The following PRKCE variants were observed in gnomAD, a reference collection of about 807,000 sequenced individuals.
The protein encoded by PRKCE is protein kinase C epsilon.
In PRKCE, 16 loss-of-function variants were observed where a neutral mutation model predicts 85.4. The observed-to-expected ratio is 0.19, with a 90% CI of 0.13 to 0.28. The LOEUF is 0.28. Ranked by LOEUF, PRKCE falls within the 10% of genes least tolerant of loss-of-function variation. The pLI, the probability that PRKCE is intolerant of heterozygous loss-of-function variation, is 1.00. For synonymous variants in PRKCE, 388 were observed against 371.5 expected, an observed-to-expected ratio of 1.04 and a Z score of -0.51; for missense variants, 573 against 975.2, an observed-to-expected ratio of 0.59 and a Z score of 5.49.
intron 2 of PRKCE, among the ~76,000 whole-genome samples, chr2:45,869,704 C>CTTT (rs1246509613): frequency 6.8e-4 from 80 of 116,858 alleles, no homozygotes; most frequent in Middle Eastern, 5.2e-3. Context: ...GTTTCTCTCT[C>CTTT]TCTTTTTTTT....
intron 2 of PRKCE, among the ~76,000 whole-genome samples, chr2:45,918,851 G>C (rs1221180989): frequency 6.6e-6 from 1 of 152,190 alleles, no homozygotes; most frequent in African/African-American, 2.4e-5. Context: ...AAGCCCAAAG[G>C]ACAGGCCGTA....
At chr2:45,822,270 G>A (rs1689593963) in intron 1 of PRKCE, among the ~76,000 whole-genome samples, 1 of 152,214 alleles carries the variant, frequency 6.6e-6, no homozygotes, top group African/African-American at 2.4e-5. Flanking sequence ...GTAGTTTAGG[G>A]AAGGCCCCAT....
chr2:45,766,896 C>T (rs1684956103), intron 1 of PRKCE, among the ~76,000 whole-genome samples: 1 of 152,088 alleles, frequency 6.6e-6, no homozygotes, highest in Non-Finnish European at 1.5e-5. Context: ...AAAAAATTAG[C>T]CGGGCATGAT....
intron 11 of PRKCE, among the ~76,000 whole-genome samples, chr2:46,099,176 A>G (rs1365776659): frequency 6.6e-6 from 1 of 152,010 alleles, no homozygotes; most frequent in Non-Finnish European, 1.5e-5. Context: ...ATCCCAAGAC[A>G]TCCCCACTCT....
intron 11 of PRKCE, among the ~76,000 whole-genome samples, chr2:46,124,847 C>T (rs1026422453): frequency 3.3e-5 from 5 of 152,128 alleles, no homozygotes; most frequent in African/African-American, 1.2e-4. Flanking sequence ...TCACGTGCCC[C>T]AAAATAACTA....
intron 2 of PRKCE, among the ~76,000 whole-genome samples, chr2:45,932,138 C>T (rs1273563610): frequency 2.0e-5 from 3 of 152,200 alleles, no homozygotes; most frequent in Middle Eastern, 3.2e-3. Context: ...CTCTCAAGAA[C>T]GTGGAATAGT....
chr2:45,696,255 C>T (rs563879145), intron 1 of PRKCE, among the ~76,000 whole-genome samples: 6 of 151,644 alleles, frequency 4.0e-5, no homozygotes, highest in South Asian at 2.1e-4. Flanking sequence ...CACACCTGGC[C>T]GAAATAACTT....
rs1243711847 is a variant in PRKCE, at chr2:46,042,480, G to C, written c.1437+31963G>C. Among the ~76,000 whole-genome samples, 3 of 152,212 alleles carry C rather than the reference G, an allele frequency of 2.0e-5. No individual in the cohort carries two copies. In the East Asian group the frequency reaches 5.8e-4, roughly 29 times the overall value. On this transcript the variant is annotated intron_variant, in intron 10 of 14. Transcript: ENST00000306156. ...AGATTCTGTTCCGAATTTCAATCAG[G>C]ACTAGCCACAGGGTAAATTGGCCAG...
At chr2:45,928,825 C>T (rs1698824655) in intron 2 of PRKCE, among the ~76,000 whole-genome samples, 1 of 152,032 alleles carries the variant, frequency 6.6e-6, no homozygotes, top group Non-Finnish European at 1.5e-5. Flanking sequence ...AATGCATGCA[C>T]ATAATCCATG....
chr2:45,708,211 C>T (rs867695580), intron 1 of PRKCE, among the ~76,000 whole-genome samples: 9 of 152,148 alleles, frequency 5.9e-5, no homozygotes, highest in African/African-American at 1.4e-4. Context: ...CTCCAGTCCA[C>T]AATCATCAAG....
At chr2:45,972,106 C>T (rs1225249909) in intron 2 of PRKCE, among the ~76,000 whole-genome samples, 1 of 152,200 alleles carries the variant, frequency 6.6e-6, no homozygotes, top group Non-Finnish European at 1.5e-5. Context: ...TCGCTCTTCT[C>T]CACATCCTCG....
At chr2:46,118,276 A>G (rs1040429841) in intron 11 of PRKCE, among the ~76,000 whole-genome samples, 2 of 152,206 alleles carry the variant, frequency 1.3e-5, no homozygotes, top group Admixed American at 1.3e-4. Context: ...GAAATTCTAC[A>G]CTCAGAAGAG....
chr2:46,132,304 A>G (rs997196919), intron 11 of PRKCE, among the ~76,000 whole-genome samples: 4 of 152,130 alleles, frequency 2.6e-5, no homozygotes, highest in African/African-American at 9.7e-5. Flanking sequence ...TCTCACCCAC[A>G]TTCATTCTTT....
At chr2:45,686,815 A>G (rs1207578645) in intron 1 of PRKCE, among the ~76,000 whole-genome samples, 1 of 152,180 alleles carries the variant, frequency 6.6e-6, no homozygotes, top group African/African-American at 2.4e-5. Context: ...TGGCGTCCAG[A>G]GCTAGACACC....
At chr2:46,047,281 T>G (rs1175403664) in intron 10 of PRKCE, among the ~76,000 whole-genome samples, 1 of 152,124 alleles carries the variant, frequency 6.6e-6, no homozygotes, top group African/African-American at 2.4e-5. Context: ...GGAAATCTCA[T>G]CTCCAGTTGG....
intron 10 of PRKCE, among the ~76,000 whole-genome samples, chr2:46,034,834 C>T (rs139415921): frequency 6.6e-6 from 1 of 152,352 alleles, no homozygotes; most frequent in East Asian, 1.9e-4. Flanking sequence ...AGAGGCCAAA[C>T]AGTAGCCAGA....
intron 1 of PRKCE, among the ~76,000 whole-genome samples, chr2:45,663,752 T>C (rs481427): frequency 0.88 from 134,224 of 151,996 alleles, 59,462 homozygotes; most frequent in African/African-American, 0.96. Flanking sequence ...CACTGCGCTC[T>C]AGCCTGGGTG....
At chr2:45,798,431 C>T (rs1051478901) in intron 1 of PRKCE, among the ~76,000 whole-genome samples, 2 of 152,118 alleles carry the variant, frequency 1.3e-5, no homozygotes, top group South Asian at 2.1e-4. Context: ...TGCCTGCCCC[C>T]GACTTTTGTG....
rs76082372 is a variant in PRKCE, at chr2:45,735,592, C to A, written c.348+83144C>A. ...GTGGTGCCGAGGTGCCTGGCACAGG[C>A]CTGTGTGAGTGTTGGCTCTTAGCAG... On this transcript the variant is annotated intron_variant, in intron 1 of 14. Coordinates refer to ENST00000306156, the MANE Select transcript of PRKCE (RefSeq NM_005400.3). Among the ~76,000 whole-genome samples the A allele has an allele frequency of 1.1e-3, 175 of 152,282 alleles. 3 individuals carry two copies. In the East Asian group the frequency reaches 0.031, roughly 27 times the overall value.
Sources: allele counts gnomAD v4.1 joint callset (sites outside exome capture counted in the v4.1 genomes callset), GRCh38; gene constraint gnomAD v4.1.1; transcripts MANE v1.5; gene names NCBI Gene and HGNC (gene_info 2026-07-23, HGNC 2026-07-21).